The following AUTS2 variants were observed in gnomAD, a reference collection of about 807,000 sequenced individuals.
AUTS2 encodes autism susceptibility gene 2 protein.
AUTS2 carries 17 observed loss-of-function variants against 112.4 expected under a neutral mutation model. That is an observed-to-expected ratio of 0.15 (90% CI 0.10 to 0.23). AUTS2 has a LOEUF of 0.23. Among genes scored for constraint, AUTS2 ranks in the 10% least tolerant of loss-of-function variants. The pLI is 1.00. For synonymous variants in AUTS2, 751 were observed against 702.7 expected (o/e 1.07, Z -1.09); for missense variants, 1,510 against 1,701.6 (o/e 0.89, Z 1.98).
intron 2 of AUTS2, among the ~76,000 whole-genome samples, chr7:70,108,139 G>A (rs1804871514): frequency 6.6e-6 from 1 of 152,092 alleles, no homozygotes; most frequent in Non-Finnish European, 1.5e-5. Flanking sequence ...TATTAAGATA[G>A]CTATGGACAG....
chr7:70,712,539 G>A (rs1810117648), intron 6 of AUTS2, among the ~76,000 whole-genome samples: 1 of 152,170 alleles, frequency 6.6e-6, no homozygotes, highest in African/African-American at 2.4e-5. Flanking sequence ...TGCATCCTCT[G>A]AGTGGTTGTT....
intron 2 of AUTS2, among the ~76,000 whole-genome samples, chr7:70,025,219 A>G (rs1329040666): frequency 6.6e-6 from 1 of 152,128 alleles, no homozygotes; most frequent in African/African-American, 2.4e-5. Context: ...AATTCCATGG[A>G]TTGGACAGAA....
At chr7:70,120,286 T>C (rs1174145827) in intron 3 of AUTS2, 1 of 152,168 alleles carries the variant, frequency 6.6e-6, no homozygotes, top group Non-Finnish European at 1.5e-5. Flanking sequence ...TTTTATGTTA[T>C]TTTAATATAT....
chr7:70,123,540 CCTCT>C (rs1805800878), intron 3 of AUTS2, among the ~76,000 whole-genome samples: 2 of 152,066 alleles, frequency 1.3e-5, no homozygotes, highest in Non-Finnish European at 2.9e-5. Context: ...CTGTTGTTTC[CCTCT>C]CTGTGTTCAT....
At chr7:70,628,365 ATATATG>A (rs1563086179) in intron 5 of AUTS2, among the ~76,000 whole-genome samples, 2 of 6,356 alleles carry the variant, frequency 3.1e-4, no homozygotes, top group Admixed American at 1.7e-3. Flanking sequence ...GTATATATAT[ATATATG>A]TATATGTATA....
chr7:70,090,579 C>T (rs983801855), intron 2 of AUTS2, among the ~76,000 whole-genome samples: 1 of 149,734 alleles, frequency 6.7e-6, no homozygotes, highest in Non-Finnish European at 1.5e-5. Context: ...GGCCAGGCTG[C>T]TAGCTGTGCT....
At chr7:69,953,757 C>G (rs994235513) in intron 2 of AUTS2, among the ~76,000 whole-genome samples, 2 of 152,098 alleles carry the variant, frequency 1.3e-5, no homozygotes, top group African/African-American at 2.4e-5. Flanking sequence ...TTTTCATAAG[C>G]TTGACTGAGC....
At chr7:70,683,317 A>C (rs899330730) in intron 5 of AUTS2, among the ~76,000 whole-genome samples, 12 of 152,184 alleles carry the variant, frequency 7.9e-5, no homozygotes, top group African/African-American at 2.9e-4. Flanking sequence ...TAGTTGGCAG[A>C]GATCTGGTCA....
intron 1 of AUTS2, among the ~76,000 whole-genome samples, chr7:69,619,403 C>T (rs1315917548): frequency 6.6e-6 from 1 of 152,042 alleles, no homozygotes; most frequent in Non-Finnish European, 1.5e-5. Context: ...CAGGGGGATG[C>T]AGGGTTACAT....
At chr7:70,638,264 C>T (rs985365444) in intron 5 of AUTS2, among the ~76,000 whole-genome samples, 5 of 152,006 alleles carry the variant, frequency 3.3e-5, no homozygotes, top group African/African-American at 1.2e-4. Context: ...AGGTTTTGGA[C>T]GAGTCCCGCC....
At position 69,840,454 on chromosome 7, in the gene AUTS2, T is replaced by G. The variant is rs537851395; in HGVS notation, c.310-58832T>G. On this transcript the variant is annotated intron_variant, in intron 1 of 18. Transcript: ENST00000342771. Reference sequence around the variant, plus strand: ...TTCCACTAGGAGAAGCACTGTGAAGTCCAAAGGATGTGGAGATTAGGCAAA... The same window carrying G: ...TTCCACTAGGAGAAGCACTGTGAAGGCCAAAGGATGTGGAGATTAGGCAAA... 1.6e-4 allele frequency among the ~76,000 whole-genome samples: 25 copies of G among 152,278 alleles called. 1 individual carries two copies. The South Asian group carries it at 5.0e-3, about 30-fold the overall frequency.
chr7:70,640,297 G>T (rs946875858), intron 5 of AUTS2, among the ~76,000 whole-genome samples: 1 of 151,710 alleles, frequency 6.6e-6, no homozygotes, highest in African/African-American at 2.4e-5. Flanking sequence ...AGGAAGACAG[G>T]TTAGGATGAA....
At chr7:70,003,414 A>C (rs1464706822) in intron 2 of AUTS2, among the ~76,000 whole-genome samples, 1 of 124,606 alleles carries the variant, frequency 8.0e-6, no homozygotes, top group East Asian at 2.3e-4. Context: ...AATATATATG[A>C]ATATGTTATA....
At chr7:70,644,561 C>T (rs986774439) in intron 5 of AUTS2, among the ~76,000 whole-genome samples, 4 of 152,188 alleles carry the variant, frequency 2.6e-5, no homozygotes, top group African/African-American at 7.2e-5. Context: ...CCAGGTCTCT[C>T]TGCTGACATT....
intron 2 of AUTS2, among the ~76,000 whole-genome samples, chr7:70,046,258 G>T (rs550275341): frequency 6.6e-6 from 1 of 152,244 alleles, no homozygotes; most frequent in Non-Finnish European, 1.5e-5. Context: ...TCCCAGCTTG[G>T]TTGTTTACTG....
chr7:70,747,253 T>C (rs1167978917), intron 6 of AUTS2, among the ~76,000 whole-genome samples: 2 of 152,246 alleles, frequency 1.3e-5, no homozygotes, highest in Non-Finnish European at 2.9e-5. Flanking sequence ...GTAGAAGTCA[T>C]TCTGACATGC....
At chr7:70,670,755 C>G (rs1022777763) in intron 5 of AUTS2, among the ~76,000 whole-genome samples, 13 of 152,188 alleles carry the variant, frequency 8.5e-5, no homozygotes, top group African/African-American at 2.9e-4. Context: ...ACCCTCATCC[C>G]CTTAAACTTC....
chr7:70,591,208 A>G (rs1208289156), intron 5 of AUTS2, among the ~76,000 whole-genome samples: 19 of 146,678 alleles, frequency 1.3e-4, no homozygotes, highest in Non-Finnish European at 2.1e-4. Flanking sequence ...GTGAAAGATT[A>G]GGTGCTCCTG....
chr7:69,975,219 T>A (rs1386591237), intron 2 of AUTS2, among the ~76,000 whole-genome samples: 2 of 152,134 alleles, frequency 1.3e-5, no homozygotes, highest in African/African-American at 2.4e-5. Flanking sequence ...GGGTTTCTCA[T>A]GAGACATCCA....
Sources: allele counts gnomAD v4.1 joint callset (sites outside exome capture counted in the v4.1 genomes callset), GRCh38; gene constraint gnomAD v4.1.1; transcripts MANE v1.5; gene names NCBI Gene and HGNC (gene_info 2026-07-23, HGNC 2026-07-21).